Variants in IDO2 observed in about 807,000 individuals in gnomAD.
IDO2 encodes the protein indoleamine 2,3-dioxygenase-like 1 protein.
IDO2 carries 46 observed loss-of-function variants against 45.1 expected under a neutral mutation model. That is an observed-to-expected ratio of 1.02 (90% CI 0.80 to 1.30). The LOEUF (loss-of-function observed/expected upper bound fraction) is 1.30, where lower values mean the gene tolerates loss of function less well. IDO2 is among the 50% of genes most tolerant of loss of function. The pLI is 0.00. For missense variants in IDO2, 544 were observed against 491.8 expected, an observed-to-expected ratio of 1.11 and a Z score of -1.00; for synonymous variants, 218 against 184.9, an observed-to-expected ratio of 1.18 and a Z score of -1.45.
At chr8:39,983,333 TAGAC>T (rs1311460786) in intron 5 of IDO2, among the ~76,000 whole-genome samples, 1 of 152,174 alleles carries the variant, frequency 6.6e-6, no homozygotes, top group Non-Finnish European at 1.5e-5. Context: ...CAAACAGAAT[TAGAC>T]AGATGATCTG....
At chr8:39,977,504 AC>A (rs1263877203) in intron 3 of IDO2, among the ~76,000 whole-genome samples, 1 of 152,118 alleles carries the variant, frequency 6.6e-6, no homozygotes, top group Non-Finnish European at 1.5e-5. Context: ...ACATAGTGAG[AC>A]CCCCATCCCT....
chr8:40,016,010 C>T (rs1802383008), exon 11 of IDO2: 3 of 384,474 alleles, frequency 7.8e-6, no homozygotes, highest in Non-Finnish European at 1.4e-5. Flanking sequence ...ATACTGAGCA[C>T]TGCCTCCAAG....
At chr8:39,946,051 G>T (rs1184740726) in intron 1 of IDO2, among the ~76,000 whole-genome samples, 1 of 152,188 alleles carries the variant, frequency 6.6e-6, no homozygotes, top group Non-Finnish European at 1.5e-5. Flanking sequence ...AGAAACTGTG[G>T]CTTAGGAGTC....
chr8:39,937,853 T>C (rs1039549624), intron 1 of IDO2, among the ~76,000 whole-genome samples: 3 of 152,046 alleles, frequency 2.0e-5, no homozygotes, highest in African/African-American at 7.2e-5. Flanking sequence ...ACAACAAAGA[T>C]CAAGGGAACT....
At chr8:39,968,361 G>A (rs1019154098) in intron 3 of IDO2, among the ~76,000 whole-genome samples, 2 of 152,178 alleles carry the variant, frequency 1.3e-5, no homozygotes, top group African/African-American at 4.8e-5. Context: ...GACAGGTAAG[G>A]AGTGGGTAGT....
chr8:39,936,736 A>G (rs1469718950), intron 1 of IDO2, among the ~76,000 whole-genome samples: 1 of 152,220 alleles, frequency 6.6e-6, no homozygotes. Context: ...AGCATCCAAG[A>G]TGGAGTTGCT....
intron 3 of IDO2, among the ~76,000 whole-genome samples, chr8:39,978,370 C>A (rs952966706): frequency 2.0e-5 from 3 of 152,202 alleles, no homozygotes; most frequent in Non-Finnish European, 4.4e-5. Flanking sequence ...AGAGGGGACG[C>A]GCCTGGTAGC....
intron 7 of IDO2, among the ~76,000 whole-genome samples, chr8:39,988,809 C>T (rs1808461628): frequency 6.6e-6 from 1 of 152,142 alleles, no homozygotes; most frequent in South Asian, 2.1e-4. Flanking sequence ...TTCTTTCTCT[C>T]TCAGTAGTTA....
intron 9 of IDO2, among the ~76,000 whole-genome samples, chr8:40,013,304 A>C (rs1802335176): frequency 6.6e-6 from 1 of 152,138 alleles, no homozygotes; most frequent in Non-Finnish European, 1.5e-5. Flanking sequence ...CTGTGCCACA[A>C]ATTCCTCTCT....
intron 2 of IDO2, among the ~76,000 whole-genome samples, chr8:39,959,634 CAACATGGCAA>C (rs2129593716): frequency 6.6e-6 from 1 of 152,100 alleles, no homozygotes; most frequent in Non-Finnish European, 1.5e-5. Flanking sequence ...CAAGGCTGGC[CAACATGGCAA>C]AACCCCATCT....
chr8:39,977,955 T>C (rs895401371), intron 3 of IDO2, among the ~76,000 whole-genome samples: 1 of 152,220 alleles, frequency 6.6e-6, no homozygotes, highest in Non-Finnish European at 1.5e-5. Context: ...TTACAAACAA[T>C]CCAATTACAC....
intron 3 of IDO2, among the ~76,000 whole-genome samples, chr8:39,973,681 G>T (rs2543059): frequency 0.64 from 96,461 of 151,550 alleles, 31,266 homozygotes; most frequent in South Asian, 0.75. Flanking sequence ...TAACAAAACT[G>T]GGGACATAGT....
At chr8:39,970,938 T>G (rs1808169190) in intron 3 of IDO2, among the ~76,000 whole-genome samples, 1 of 151,944 alleles carries the variant, frequency 6.6e-6, no homozygotes, top group South Asian at 2.1e-4. Flanking sequence ...AGCTAATTTT[T>G]GCAGTTTTAG....
At chr8:39,937,292 G>A (rs138700819) in intron 1 of IDO2, among the ~76,000 whole-genome samples, 373 of 152,206 alleles carry the variant, frequency 2.5e-3, no homozygotes, top group Non-Finnish European at 4.4e-3. Flanking sequence ...AAATAACCAG[G>A]TACGGAAAAA....
chr8:39,940,080 C>A (rs1020855711), intron 1 of IDO2, among the ~76,000 whole-genome samples: 1 of 152,098 alleles, frequency 6.6e-6, no homozygotes, highest in Non-Finnish European at 1.5e-5. Flanking sequence ...CTTACTGTTA[C>A]GAAAGAAAGT....
At chr8:40,013,767 G>GA in intron 10 of IDO2, 54 bp downstream of exon 10, 1 of 984,296 alleles carries the variant, frequency 1.0e-6, no homozygotes, top group Non-Finnish European at 1.3e-6. Context: ...GAGGAGAGGT[G>GA]TTTTTTTTTT....
chr8:40,002,056 G>A (rs949022730), intron 8 of IDO2, among the ~76,000 whole-genome samples: 5 of 152,142 alleles, frequency 3.3e-5, no homozygotes, highest in Admixed American at 2.6e-4. Context: ...AAAGTGCTGG[G>A]ATTATAGGTG....
At chr8:39,966,760 C>G (rs1179005672) in intron 3 of IDO2, among the ~76,000 whole-genome samples, 1 of 152,104 alleles carries the variant, frequency 6.6e-6, no homozygotes, top group African/African-American at 2.4e-5. Context: ...TCTGGAAATA[C>G]AATAAGAAAA....
At chr8:39,975,176 T>C (rs1230987798) in intron 3 of IDO2, among the ~76,000 whole-genome samples, 1 of 151,746 alleles carries the variant, frequency 6.6e-6, no homozygotes, top group Non-Finnish European at 1.5e-5. Context: ...TTTTTGTTTT[T>C]TTTTTTTGTG....
Sources: gnomAD v4.1 joint callset for allele counts (sites outside exome capture counted in the v4.1 genomes callset) on GRCh38, gnomAD v4.1.1 for gene constraint, MANE v1.5 for transcripts, NCBI Gene and HGNC (gene_info 2026-07-23, HGNC 2026-07-21) for gene names.